Variants in WNK1 observed in about 807,000 individuals in gnomAD.
The protein encoded by WNK1 is serine/threonine-protein kinase WNK1.
WNK1 carries 38 observed loss-of-function variants against 222.8 expected under a neutral mutation model. The ratio of observed to expected loss-of-function variants is 0.17; its 90% CI spans 0.13 to 0.22. The LOEUF (loss-of-function observed/expected upper bound fraction) is 0.22, where lower values mean the gene tolerates loss of function less well. Among genes scored for constraint, WNK1 ranks in the 10% least tolerant of loss-of-function variants. WNK1 has a pLI of 1.00. For synonymous variants in WNK1, 1,090 were observed against 1,092.9 expected, an observed-to-expected ratio of 1.00 and a Z score of 0.05; for missense variants, 2,348 against 2,918.4, an observed-to-expected ratio of 0.80 and a Z score of 4.50.
chr12:896,653 T>C lies in WNK1; in HGVS notation c.6166T>C (p.Ser2056Pro). 5 of 1,608,256 alleles carry C rather than the reference T, an allele frequency of 3.1e-6. No individual in the cohort carries two copies. Among genetic ancestry groups the C allele is most frequent in the Non-Finnish European group, 4.2e-6 (5 of 1,178,464 alleles). Reference protein sequence around the residue: ...LSQSLSNSFNSSYMSSDNESD... With the variant: ...LSQSLSNSFNPSYMSSDNESD... ...TCAAAGCCTTAGTAATTCATTTAAC[T>C]CCTCTTACATGAGTAGCGACAATGA... Residue 2056 changes from serine (S) to proline (P), a missense_variant, in exon 24 of 28, where the codon TCC (serine) becomes CCC (proline). By Grantham distance (74) the Ser-to-Pro change is moderately conservative. Coordinates refer to ENST00000315939, the MANE Select transcript of WNK1 (RefSeq NM_018979.4).
At chr12:825,538 A>T (rs1948288791) in intron 2 of WNK1, among the ~76,000 whole-genome samples, 1 of 152,222 alleles carries the variant, frequency 6.6e-6, no homozygotes, top group Non-Finnish European at 1.5e-5. Context: ...GTACAAGATT[A>T]CATAAGTAAT....
At chr12:805,467 TTAA>T (rs1200646970) in intron 1 of WNK1, among the ~76,000 whole-genome samples, 3 of 152,218 alleles carry the variant, frequency 2.0e-5, no homozygotes, top group Non-Finnish European at 4.4e-5. Context: ...TCCTTGTGAC[TTAA>T]TGATCTTACA....
At chr12:850,308 C>G (rs1241954891) in intron 4 of WNK1, among the ~76,000 whole-genome samples, 11 of 148,902 alleles carry the variant, frequency 7.4e-5, no homozygotes, top group Admixed American at 1.3e-4. Context: ...TTGCATTTCT[C>G]TGATGGCCAG....
At chr12:856,323 G>A (rs1410223991) in intron 4 of WNK1, among the ~76,000 whole-genome samples, 3 of 151,514 alleles carry the variant, frequency 2.0e-5, no homozygotes, top group South Asian at 2.1e-4. Flanking sequence ...GCATGGTGGC[G>A]TATACCTGTA....
At chr12:768,818 G>GTTT (rs1461268210) in intron 1 of WNK1, among the ~76,000 whole-genome samples, 1 of 147,456 alleles carries the variant, frequency 6.8e-6, no homozygotes, top group Non-Finnish European at 1.5e-5. Context: ...AAGTTTTTTT[G>GTTT]TTTTTTTTTT....
chr12:890,688 T>A (rs576438808), intron 22 of WNK1, among the ~76,000 whole-genome samples, 175 bp downstream of exon 22: 2 of 152,334 alleles, frequency 1.3e-5, no homozygotes, highest in Non-Finnish European at 2.9e-5. Flanking sequence ...CGTTATTATT[T>A]GTCAGAGGAA....
Position 796,529 on chromosome 12 carries a change from G to A in WNK1, c.760-17113G>A, listed in dbSNP as rs537626162. ...AACCTCAGGTGATCCACCCACCTTGGCCTCCCAAAGTGCTGGGATTACAGG... is the reference window on the plus strand; with the variant it reads ...AACCTCAGGTGATCCACCCACCTTGACCTCCCAAAGTGCTGGGATTACAGG... On this transcript the variant is annotated intron_variant, in intron 1 of 27. Transcript: ENST00000315939. Among the ~76,000 whole-genome samples, 22 of 152,226 alleles carry A rather than the reference G, an allele frequency of 1.4e-4. No homozygotes were observed. The East Asian group carries it at 4.1e-3, about 28-fold the overall frequency.
intron 21 of WNK1, among the ~76,000 whole-genome samples, chr12:889,951 CTTTTT>C (rs755068368): frequency 1.5e-5 from 2 of 130,440 alleles, no homozygotes; most frequent in African/African-American, 5.7e-5. Context: ...TAAAATGTAC[CTTTTT>C]TTTTTTTTTT....
chr12:799,007 G>C (rs893332663), intron 1 of WNK1, among the ~76,000 whole-genome samples: 2 of 151,364 alleles, frequency 1.3e-5, no homozygotes, highest in Non-Finnish European at 2.9e-5. Flanking sequence ...TCTCTTTTTT[G>C]GGGGGGCATA....
At chr12:835,253 G>A (rs937362470) in intron 4 of WNK1, among the ~76,000 whole-genome samples, 1 of 152,126 alleles carries the variant, frequency 6.6e-6, no homozygotes, top group Non-Finnish European at 1.5e-5. Context: ...TAGAAGGATC[G>A]CCTGAGCCGG....
intron 10 of WNK1, among the ~76,000 whole-genome samples, chr12:878,797 T>TTTTTTTTTTAG (rs1555145195): frequency 6.6e-6 from 1 of 150,626 alleles, no homozygotes; most frequent in Non-Finnish European, 1.5e-5. Flanking sequence ...TTTTTTTTCT[T>TTTTTTTTTTAG]AAGTAGTCCT....
intron 1 of WNK1, among the ~76,000 whole-genome samples, chr12:773,885 G>A (rs986260844): frequency 6.6e-5 from 10 of 152,086 alleles, no homozygotes; most frequent in African/African-American, 2.2e-4. Flanking sequence ...ACAGTGTTAA[G>A]TATGTTATTT....
intron 2 of WNK1, among the ~76,000 whole-genome samples, chr12:824,214 A>G (rs1238772772): frequency 1.4e-5 from 2 of 138,936 alleles, no homozygotes; most frequent in East Asian, 4.1e-4. Context: ...TGGCAGAGAC[A>G]TCTTTTTTTT....
chr12:781,477 C>T (rs1943702116), intron 1 of WNK1, among the ~76,000 whole-genome samples: 2 of 152,194 alleles, frequency 1.3e-5, no homozygotes, highest in Admixed American at 6.5e-5. Flanking sequence ...GCTCTGAACA[C>T]AGTGTTTCTT....
chr12:764,622 G>A (rs1315829839), intron 1 of WNK1, among the ~76,000 whole-genome samples: 13 of 70,900 alleles, frequency 1.8e-4, no homozygotes, highest in African/African-American at 5.5e-4. Context: ...GGCAACGAGC[G>A]AAACTCCGTC....
At chr12:835,221 C>T (rs1237855877) in intron 4 of WNK1, among the ~76,000 whole-genome samples, 1 of 152,112 alleles carries the variant, frequency 6.6e-6, no homozygotes, top group Admixed American at 6.6e-5. Context: ...TGCCTGTAGT[C>T]CCAGCCACTG....
intron 3 of WNK1, among the ~76,000 whole-genome samples, chr12:828,116 G>A (rs1220524400): frequency 1.3e-5 from 2 of 151,206 alleles, no homozygotes; most frequent in East Asian, 3.9e-4. Flanking sequence ...TGGCTAAGAT[G>A]GAGAAACCCC....
At position 884,811 on chromosome 12, in the gene WNK1, T is replaced by C. The variant is rs1953506926; in HGVS notation, c.4007T>C (p.Val1336Ala). 2 of 1,614,172 alleles carry C rather than the reference T, an allele frequency of 1.2e-6. No individual in the cohort carries two copies. Among genetic ancestry groups the C allele is most frequent in the Middle Eastern group, 1.6e-4 (1 of 6,062 alleles). Residue 1336 changes from valine to alanine, a missense_variant, in exon 19 of 28, where the codon GTA (valine) becomes GCA (alanine). Val to Ala is a moderately conservative substitution (Grantham distance 64). Transcript: ENST00000315939. The surrounding 1 kb of genome is among the most constrained non-coding windows in gnomAD (Gnocchi z 5.6). ...CATACAGGACCAACATTTCCAGTAG[T>C]ACCTCCTTTCTTAAGTAGCATTGCT... is the stretch of plus-strand genomic sequence containing the variant. ...FSHTGPTFPV[V>A]PPFLSSIAGV...
intron 1 of WNK1, among the ~76,000 whole-genome samples, chr12:772,394 T>C (rs1591630082): frequency 6.7e-6 from 1 of 149,884 alleles, no homozygotes; most frequent in East Asian, 2.0e-4. Flanking sequence ...TACACAGTAA[T>C]CATAATTGGG....
Sources: allele counts gnomAD v4.1 joint callset (sites outside exome capture counted in the v4.1 genomes callset), GRCh38; gene constraint gnomAD v4.1.1; non-coding constraint Gnocchi (gnomAD v3.1); transcripts MANE v1.5; gene names NCBI Gene and HGNC (gene_info 2026-07-23, HGNC 2026-07-21).